CTNNA3: variants seen among roughly 807,000 people sequenced by gnomAD.
CTNNA3 encodes catenin alpha 3.
In CTNNA3, 76 loss-of-function variants were observed where a neutral mutation model predicts 95.7. That is an observed-to-expected ratio of 0.79 (90% CI 0.66 to 0.96). The LOEUF (loss-of-function observed/expected upper bound fraction) is 0.96. CTNNA3 is among the 40% of genes least tolerant of loss of function. The pLI is 0.00. For synonymous variants in CTNNA3, 431 were observed against 374.4 expected (o/e 1.15, Z -1.74); for missense variants, 1,191 against 1,089.8 (o/e 1.09, Z -1.31).
chr10:67,607,497 G>C (rs57817239), intron 2 of CTNNA3, among the ~76,000 whole-genome samples: 13,136 of 152,128 alleles, frequency 0.086, 1,305 homozygotes, highest in African/African-American at 0.24. Flanking sequence ...GGTTGGTCTT[G>C]CTGCCTTGGG....
chr10:66,428,888 A>G (rs1357601335), intron 11 of CTNNA3, among the ~76,000 whole-genome samples: 7 of 152,204 alleles, frequency 4.6e-5, no homozygotes, highest in African/African-American at 1.2e-4. Flanking sequence ...GCAGAAGGCA[A>G]GAAATAACTA....
intron 17 of CTNNA3, 139 bp downstream of exon 17, chr10:65,966,473 A>C: frequency 1.7e-6 from 1 of 590,594 alleles, no homozygotes; most frequent in Non-Finnish European, 2.7e-6. Context: ...GTTTAAATAC[A>C]TGTACTTTTA....
intron 11 of CTNNA3, among the ~76,000 whole-genome samples, chr10:66,489,525 CTT>C (rs1311580804): frequency 6.6e-6 from 1 of 152,110 alleles, no homozygotes; most frequent in Non-Finnish European, 1.5e-5. Flanking sequence ...ATTTCTTCCT[CTT>C]GATACTCCCC....
intron 7 of CTNNA3, among the ~76,000 whole-genome samples, chr10:66,828,251 A>C (rs983097528): frequency 6.6e-6 from 1 of 152,238 alleles, no homozygotes; most frequent in Non-Finnish European, 1.5e-5. Context: ...AATCTAGACT[A>C]TCTCCTGGTA....
chr10:66,564,209 T>C (rs112129748), intron 10 of CTNNA3, among the ~76,000 whole-genome samples: 2,610 of 152,296 alleles, frequency 0.017, 73 homozygotes, highest in African/African-American at 0.06. Context: ...AGTTGTCTAC[T>C]TGGTGCTATG....
intron 13 of CTNNA3, among the ~76,000 whole-genome samples, chr10:66,125,876 G>A (rs3907197): frequency 0.18 from 27,413 of 152,102 alleles, 2,753 homozygotes; most frequent in South Asian, 0.38. Context: ...TAGGTGAAGC[G>A]CAGGCCTTTT....
At chr10:66,402,327 C>T (rs2093027486) in intron 11 of CTNNA3, among the ~76,000 whole-genome samples, 1 of 152,048 alleles carries the variant, frequency 6.6e-6, no homozygotes, top group South Asian at 2.1e-4. Context: ...TGTATATTTC[C>T]CTGCTGACTG....
chr10:67,046,623 GA>G (rs146158145), intron 7 of CTNNA3, among the ~76,000 whole-genome samples: 10 of 150,958 alleles, frequency 6.6e-5, no homozygotes, highest in South Asian at 4.2e-4. Flanking sequence ...AAGACTTCAG[GA>G]AAAAAAAATG....
chr10:66,044,000 G>C (rs1023791257), intron 15 of CTNNA3, among the ~76,000 whole-genome samples: 1 of 146,144 alleles, frequency 6.8e-6, no homozygotes, highest in Non-Finnish European at 1.5e-5. Context: ...GTGTGTTTGT[G>C]TGTGTCTGTG....
intron 5 of CTNNA3, among the ~76,000 whole-genome samples, chr10:67,329,985 C>A (rs1255522332): frequency 3.3e-5 from 5 of 152,242 alleles, no homozygotes; most frequent in South Asian, 4.1e-4. Flanking sequence ...CCAACCATGA[C>A]ATCCACATTC....
chr10:67,510,738 T>G (rs1839596996), intron 5 of CTNNA3, among the ~76,000 whole-genome samples: 1 of 152,160 alleles, frequency 6.6e-6, no homozygotes, highest in African/African-American at 2.4e-5. Context: ...AGGAAAGTCA[T>G]TGGTAGCTTG....
intron 15 of CTNNA3, among the ~76,000 whole-genome samples, chr10:66,029,171 T>C (rs1480100820): frequency 6.6e-6 from 1 of 152,130 alleles, no homozygotes; most frequent in Non-Finnish European, 1.5e-5. Flanking sequence ...ACATAGCTTC[T>C]AATTGGCCTT....
chr10:67,640,884 C>A (rs1446840733), intron 2 of CTNNA3, among the ~76,000 whole-genome samples: 1 of 152,242 alleles, frequency 6.6e-6, no homozygotes, highest in South Asian at 2.1e-4. Flanking sequence ...AAATGTTAGA[C>A]CCAAAACCAT....
intron 1 of CTNNA3, among the ~76,000 whole-genome samples, chr10:67,746,999 C>A (rs1005235582): frequency 6.6e-6 from 1 of 152,212 alleles, no homozygotes; most frequent in Non-Finnish European, 1.5e-5. Context: ...GTACAGCACA[C>A]CACCTGTGGC....
intron 16 of CTNNA3, among the ~76,000 whole-genome samples, chr10:65,977,409 G>A (rs2078227529): frequency 1.3e-5 from 2 of 152,078 alleles, no homozygotes; most frequent in African/African-American, 4.8e-5. Flanking sequence ...TTAGCAAAAC[G>A]AACACTTTTC....
chr10:67,043,509 A>G (rs1026182993), intron 7 of CTNNA3, among the ~76,000 whole-genome samples: 4 of 152,092 alleles, frequency 2.6e-5, no homozygotes, highest in African/African-American at 9.7e-5. Context: ...TTCTTCTAGT[A>G]TAGGGTTTAT....
chr10:66,149,591 C>T (rs1478194296), intron 13 of CTNNA3, among the ~76,000 whole-genome samples: 1 of 147,392 alleles, frequency 6.8e-6, no homozygotes, highest in Non-Finnish European at 1.5e-5. Context: ...TATGAACACC[C>T]TTACACTTTT....
At chr10:66,656,773 A>G (rs1182901299) in intron 9 of CTNNA3, among the ~76,000 whole-genome samples, 1 of 152,064 alleles carries the variant, frequency 6.6e-6, no homozygotes, top group Non-Finnish European at 1.5e-5. Flanking sequence ...CCAGGGCTAT[A>G]ATAAATTCAG....
intron 7 of CTNNA3, among the ~76,000 whole-genome samples, chr10:67,141,303 A>ATT (rs57772222): frequency 1.5e-4 from 23 of 151,108 alleles, no homozygotes; most frequent in South Asian, 4.2e-4. Context: ...GCACTCTAAG[A>ATT]TTTTTTTTTT....
Sources: allele counts gnomAD v4.1 joint callset (sites outside exome capture counted in the v4.1 genomes callset), GRCh38; gene constraint gnomAD v4.1.1; transcripts MANE v1.5; gene names NCBI Gene and HGNC (gene_info 2026-07-23, HGNC 2026-07-21).